Variants in CBR4 observed in about 807,000 individuals in gnomAD.
CBR4 encodes the protein 3-oxoacyl-[acyl-carrier-protein] reductase.
A neutral mutation model predicts 21.0 loss-of-function variants in CBR4; 22 were observed. The ratio of observed to expected loss-of-function variants is 1.05; its 90% CI spans 0.75 to 1.50. The LOEUF is 1.50. CBR4 is among the 40% of genes most tolerant of loss of function. The pLI is 0.00. For missense variants in CBR4, 302 were observed against 286.3 expected (o/e 1.05, Z -0.40); for synonymous variants, 100 against 104.4 (o/e 0.96, Z 0.26).
chr4:168,919,816 T>G (rs4364224), intron 2 of CBR4, among the ~76,000 whole-genome samples: 1 of 151,978 alleles, frequency 6.6e-6, no homozygotes, highest in Non-Finnish European at 1.5e-5. Context: ...TCTAGTTACA[T>G]TGTGACCTGC....
In CBR4 at chr4:168,925,274, C is replaced by T. The variant is rs189038181; in HGVS notation, n.170-30509G>A. On this transcript the variant is annotated intron_variant and non_coding_transcript_variant, in intron 2 of 3. Transcript: ENST00000509108. ...GTGAACCACACCAGGAGAACAAATA[C>T]CCAAGTATCATTCAGGAACTTTGAA... is the stretch of plus-strand genomic sequence containing the variant. 4.4e-6 allele frequency: 7 copies of T among 1,602,070 alleles called. No individual in the cohort carries two copies. The African/African-American group carries it at 9.4e-5, about 21-fold the overall frequency.
chr4:168,979,792 G>T (rs1278779275), intron 2 of CBR4, among the ~76,000 whole-genome samples: 1 of 152,110 alleles, frequency 6.6e-6, no homozygotes, highest in African/African-American at 2.4e-5. Flanking sequence ...ATTTCCCAGG[G>T]GCGGAGCTCC....
chr4:168,956,251 TGGGAGGACCCCAGATACA>T (rs1312934258), intron 2 of CBR4, among the ~76,000 whole-genome samples: 4 of 152,064 alleles, frequency 2.6e-5, no homozygotes, highest in East Asian at 1.9e-4. Context: ...CTTCCAGCAC[TGGGAGGACCCCAGATACA>T]GGGAGGACCC....
At chr4:168,981,988 TA>T (rs1354213926) in intron 2 of CBR4, among the ~76,000 whole-genome samples, 1 of 152,148 alleles carries the variant, frequency 6.6e-6, no homozygotes, top group Non-Finnish European at 1.5e-5. Flanking sequence ...ATTAACACTA[TA>T]AAGCAAATAT....
intron 2 of CBR4, among the ~76,000 whole-genome samples, chr4:168,969,515 A>C (rs1313691830): frequency 1.3e-5 from 2 of 152,148 alleles, no homozygotes; most frequent in African/African-American, 4.8e-5. Flanking sequence ...AAAGCAAAGA[A>C]ATTTTTTCTA....
chr4:168,986,779 C>A (rs1191079521), downstream of CBR4, among the ~76,000 whole-genome samples: 8 of 151,716 alleles, frequency 5.3e-5, no homozygotes, highest in Non-Finnish European at 1.2e-4. Context: ...CTTGTCTCTA[C>A]AAAAAAATAT....
chr4:169,009,851 A>C (rs954665557), intron 1 of CBR4, 97 bp downstream of exon 1: 23 of 1,168,454 alleles, frequency 2.0e-5, no homozygotes, highest in Admixed American at 1.1e-4. Context: ...GTAACCCTAG[A>C]GCCCTAAAGG....
chr4:168,925,516 T>C (rs913548104), intron 2 of CBR4: 6 of 509,666 alleles, frequency 1.2e-5, no homozygotes, highest in African/African-American at 5.8e-5. Context: ...CCATTGATCC[T>C]GGAATGCGTA....
chr4:169,001,116 C>G (rs957183859), intron 4 of CBR4: 1 of 151,772 alleles, frequency 6.6e-6, no homozygotes. Context: ...TCCCAAATAG[C>G]TGGGACTATA....
intron 2 of CBR4, among the ~76,000 whole-genome samples, chr4:168,919,340 A>G (rs1454911498): frequency 6.6e-6 from 1 of 152,098 alleles, no homozygotes; most frequent in Non-Finnish European, 1.5e-5. Context: ...CCTGGCCAAC[A>G]TGGTGAAACC....
At chr4:168,899,364 G>A (rs1755949674) in intron 2 of CBR4, among the ~76,000 whole-genome samples, 1 of 151,990 alleles carries the variant, frequency 6.6e-6, no homozygotes, top group African/African-American at 2.4e-5. Context: ...GTAAACAGGA[G>A]TACACTTTTC....
intron 2 of CBR4, among the ~76,000 whole-genome samples, chr4:168,979,182 GCA>G (rs539813303): frequency 1.8e-3 from 260 of 144,254 alleles, no homozygotes; most frequent in Non-Finnish European, 3.0e-3. Flanking sequence ...CACACCCCAA[GCA>G]CAGTCACCCC....
rs1333513543 is a variant in CBR4, at chr4:169,009,395, A to AT, written c.142+552dup. 2.6e-5 allele frequency among the ~76,000 whole-genome samples: 4 copies of AT among 152,382 alleles called. No homozygotes were observed. The South Asian group carries it at 8.3e-4, about 32-fold the overall frequency. ...TTAATAACATTAAAGCAAACCAGGT[A>AT]TATCTCAAAACTGGCTGGTACTCAA... On this transcript the variant is annotated intron_variant, in intron 1 of 4. Coordinates refer to ENST00000306193, the MANE Select transcript of CBR4 (RefSeq NM_032783.5).
chr4:168,946,843 T>C (rs1255729720), intron 2 of CBR4, among the ~76,000 whole-genome samples: 5 of 152,182 alleles, frequency 3.3e-5, no homozygotes, highest in Non-Finnish European at 7.4e-5. Flanking sequence ...GAAACTGACA[T>C]TGGGGTTCCA....
Position 168,990,150 on chromosome 4 carries a change from T to A in CBR4, c.714A>T (p.Ter238TyrextTer28), listed in dbSNP as rs1016579218. Residue 238 changes from the stop codon to tyrosine (Y), a stop_lost, in exon 5 of 5, where the codon TAA (stop) becomes TAT (tyrosine). Coordinates refer to ENST00000306193, the MANE Select transcript of CBR4 (RefSeq NM_032783.5). ...CCCCTATAACTGAATAATCTGCAAA[T>A]TACAAAATGAGTTGTAATCCCCCAT... ...VVDGGLQLIL[*>Y] The A allele has an allele frequency of 6.3e-7, 1 of 1,592,810 alleles. No individual in the cohort carries two copies. The highest frequency in any genetic ancestry group is 8.5e-7 in the Non-Finnish European group (1 of 1,170,008).
Position 169,010,007 on chromosome 4 carries a change from C to T in CBR4, c.83G>A (p.Arg28Gln). ...VAQLMARKGY[R>Q]LAVIARNLEG... ...CAGGTTTCTGGCAATGACCGCCAGT[C>T]GGTAGCCTTTCCGGGCCATTAACTG... Residue 28 changes from arginine to glutamine, a missense_variant, in exon 1 of 5, where the codon CGA becomes CAA. Transcript: ENST00000306193. 6.2e-7 allele frequency: 1 copy of T among 1,613,730 alleles called. No homozygotes were observed. Among genetic ancestry groups the T allele is most frequent in the Non-Finnish European group, 8.5e-7 (1 of 1,179,908 alleles).
chr4:168,933,736 A>G (rs1763028988), intron 2 of CBR4, among the ~76,000 whole-genome samples: 1 of 152,204 alleles, frequency 6.6e-6, no homozygotes, highest in Admixed American at 6.5e-5. Flanking sequence ...CACATGGAAC[A>G]TTCTACAGGA....
At chr4:168,928,154 A>G (rs1196346701) in intron 2 of CBR4, 1 of 189,966 alleles carries the variant, frequency 5.3e-6, no homozygotes, top group Non-Finnish European at 1.1e-5. Context: ...ACTTATATGC[A>G]TTGCTAATAT....
intron 2 of CBR4, chr4:168,926,230 T>C: frequency 6.5e-7 from 1 of 1,535,050 alleles, no homozygotes; most frequent in South Asian, 1.2e-5. Flanking sequence ...GCATCAGCAG[T>C]CACAGAGCAC....
Sources: allele counts gnomAD v4.1 joint callset (sites outside exome capture counted in the v4.1 genomes callset), GRCh38; gene constraint gnomAD v4.1.1; transcripts MANE v1.5; gene names NCBI Gene and HGNC (gene_info 2026-07-23, HGNC 2026-07-21).